Variants in TDRD12 observed in about 807,000 individuals in gnomAD.
TDRD12 encodes putative ATP-dependent RNA helicase TDRD12.
Under a neutral mutation model 133.5 loss-of-function variants are expected in TDRD12, and 158 were observed. That is an observed-to-expected ratio of 1.18 (90% CI 1.04 to 1.35). TDRD12 has a LOEUF of 1.35. TDRD12 is among the 40% of genes most tolerant of loss of function. The probability of loss-of-function intolerance (pLI) is 0.00; values close to 1 mark genes in which losing one functional copy is unlikely to be tolerated. For missense variants in TDRD12, 1,443 were observed against 1,321.3 expected (o/e 1.09, Z -1.43); for synonymous variants, 460 against 477.9 (o/e 0.96, Z 0.49).
At chr19:32,766,667 C>T (rs7256841) in intron 8 of TDRD12, among the ~76,000 whole-genome samples, 90,482 of 151,512 alleles carry the variant, frequency 0.6, 28,088 homozygotes, top group East Asian at 0.82. Context: ...CAGGCTGGAG[C>T]GCGGTGGTGC....
chr19:32,795,464 G>A (rs2145678813), intron 14 of TDRD12, among the ~76,000 whole-genome samples: 1 of 152,232 alleles, frequency 6.6e-6, no homozygotes, highest in South Asian at 2.1e-4. Flanking sequence ...CCATTTCACG[G>A]AGGAGAAAAT....
At chr19:32,796,184 C>A in intron 14 of TDRD12, 18 of 985,256 alleles carry the variant, frequency 1.8e-5, no homozygotes, top group Non-Finnish European at 2.2e-5. Context: ...GTGCTCCAGA[C>A]GGGGCTCCAC....
chr19:32,780,833 G>A (rs1385660039), intron 11 of TDRD12, among the ~76,000 whole-genome samples: 1 of 149,664 alleles, frequency 6.7e-6, no homozygotes, highest in Non-Finnish European at 1.5e-5. Flanking sequence ...GTGTTGCCTA[G>A]GCTGGTCTCA....
At chr19:32,802,892 C>T in intron 20 of TDRD12, 30 bp from the exon 21 acceptor site, 1 of 1,527,604 alleles carries the variant, frequency 6.5e-7, no homozygotes, top group Non-Finnish European at 8.8e-7. Flanking sequence ...GATAGATGAT[C>T]CACTTCCTTT....
At chr19:32,769,579 G>A (rs1326354249) in intron 8 of TDRD12, among the ~76,000 whole-genome samples, 2 of 151,920 alleles carry the variant, frequency 1.3e-5, no homozygotes, top group Non-Finnish European at 2.9e-5. Context: ...GTTTGCATTT[G>A]CATTTCTCTT....
At chr19:32,760,121 G>A (rs146166762) in intron 8 of TDRD12, among the ~76,000 whole-genome samples, 8 of 152,200 alleles carry the variant, frequency 5.3e-5, no homozygotes, top group Admixed American at 1.3e-4. Flanking sequence ...TAATTATTGC[G>A]TGGCTTTCCA....
At chr19:32,764,340 G>A (rs1046402521) in intron 8 of TDRD12, among the ~76,000 whole-genome samples, 2 of 152,006 alleles carry the variant, frequency 1.3e-5, no homozygotes, top group African/African-American at 4.8e-5. Flanking sequence ...TAGATCCCCT[G>A]ACTTCGTGAT....
rs574562223 is a variant in TDRD12 at position 32,812,883 on chromosome 19, C to T, written c.3049-801C>T. Among the ~76,000 whole-genome samples the T allele has an allele frequency of 7.9e-5, 12 of 152,296 alleles. No homozygotes were observed. The East Asian group carries it at 2.3e-3, about 29-fold the overall frequency. ...TGTTGTGTTCCTCCTTGAGAGGAAA[C>T]TGCCATGGCCAGGCATGGTGGCTCA... is the stretch of plus-strand genomic sequence containing the variant. On this transcript the variant is annotated intron_variant, in intron 24 of 27. Coordinates refer to ENST00000444215, the Ensembl canonical transcript of TDRD12.
chr19:32,743,184 T>C (rs1317195986), intron 4 of TDRD12, among the ~76,000 whole-genome samples: 4 of 152,286 alleles, frequency 2.6e-5, no homozygotes, highest in Non-Finnish European at 5.9e-5. Context: ...GTATTATACA[T>C]GTGTACACGC....
chr19:32,789,954 A>G lies in TDRD12; in HGVS notation c.1122-577A>G, dbSNP rs1166059304. Among the ~76,000 whole-genome samples the G allele has an allele frequency of 2.0e-5, 3 of 152,068 alleles. No homozygotes were observed. The East Asian group carries it at 5.8e-4, about 29-fold the overall frequency. On this transcript the variant is annotated intron_variant, in intron 11 of 27. Transcript: ENST00000444215. ...GAGGCGGATGTTGCAGTCAGCTGAG[A>G]TCACACCACTGTACTCCAGCCTGAG... is the stretch of plus-strand genomic sequence containing the variant.
chr19:32,827,282 G>A (rs978537909), exon 10 of TDRD12: 13 of 1,229,956 alleles, frequency 1.1e-5, no homozygotes, highest in Non-Finnish European at 1.3e-5. Flanking sequence ...CTCAAGAGCG[G>A]CTGGAAGATG....
chr19:32,820,928 C>G, intron 27 of TDRD12, 105 bp from the exon 28 acceptor site: 2 of 864,600 alleles, frequency 2.3e-6, no homozygotes, highest in South Asian at 3.3e-5. Context: ...GTGGGTCTGA[C>G]TCCACGGCCA....
intron 9 of TDRD12, among the ~76,000 whole-genome samples, chr19:32,773,160 G>A (rs1366878024): frequency 2.0e-5 from 3 of 152,216 alleles, no homozygotes. Context: ...TGAAGTGCAA[G>A]TCTAATCTGC....
intron 2 of TDRD12, among the ~76,000 whole-genome samples, chr19:32,734,447 T>C (rs998709425): frequency 1.3e-5 from 2 of 151,576 alleles, no homozygotes; most frequent in East Asian, 1.9e-4. Flanking sequence ...CTCGGCTCAC[T>C]GCAACCTCCG....
At chr19:32,742,859 C>A (rs1969474913) in exon 4 of TDRD12, 1 of 1,551,654 alleles carries the variant, frequency 6.4e-7, no homozygotes, top group African/African-American at 1.4e-5. Flanking sequence ...CAAAGCCTGT[C>A]ACATTACACA....
At chr19:32,773,397 G>GA in intron 9 of TDRD12, 59 bp from the exon 10 acceptor site, 7 of 1,453,172 alleles carry the variant, frequency 4.8e-6, no homozygotes, top group Non-Finnish European at 6.6e-6. Context: ...GGTTCCAAAA[G>GA]AATGTATATT....
chr19:32,772,796 TA>T lies in TDRD12; in HGVS notation c.912del (p.Asp305ThrfsTer12). 1.3e-6 allele frequency: 2 copies of T among 1,517,228 alleles called. No individual in the cohort carries two copies. Among genetic ancestry groups the T allele is most frequent in the Non-Finnish European group, 1.8e-6 (2 of 1,134,804 alleles). The allele number at this position is 1,517,228 out of a possible 1,614,324, so 94.0% of individuals were successfully genotyped here. On this transcript the variant is annotated frameshift_variant, in exon 9 of 28. Transcript: ENST00000444215. LOFTEE classifies it high-confidence loss of function. ...ATATGGATTCATTGAGAGATTCACC[TA>T]AAGACAAATCTGAAAAGAAACACCA...
At chr19:32,758,306 C>T (rs1184995332) in intron 8 of TDRD12, among the ~76,000 whole-genome samples, 1 of 152,030 alleles carries the variant, frequency 6.6e-6, no homozygotes, top group African/African-American at 2.4e-5. Context: ...GGAGTGCCTG[C>T]TGATTGGTTA....
intron 24 of TDRD12, 93 bp downstream of exon 24, chr19:32,811,513 G>A (rs1199082914): frequency 8.1e-7 from 1 of 1,230,832 alleles, no homozygotes; most frequent in Admixed American, 2.0e-5. Flanking sequence ...GATTTACAGT[G>A]TCACGTTTGG....
Sources: gnomAD v4.1 joint callset for allele counts (sites outside exome capture counted in the v4.1 genomes callset) on GRCh38, gnomAD v4.1.1 for gene constraint, MANE v1.5 for transcripts, NCBI Gene and HGNC (gene_info 2026-07-23, HGNC 2026-07-21) for gene names.